Variants in GAN observed in about 807,000 individuals in gnomAD.
GAN encodes the protein gigaxonin, also known as epididymis secretory sperm binding protein.
Under a neutral mutation model 71.3 loss-of-function variants are expected in GAN, and 48 were observed. The ratio of observed to expected loss-of-function variants is 0.67; its 90% CI spans 0.53 to 0.86. The LOEUF (loss-of-function observed/expected upper bound fraction) is 0.86. GAN is among the 40% of genes least tolerant of loss of function. The pLI is 0.00. For missense variants in GAN, 928 were observed against 770.1 expected (o/e 1.21, Z -2.43); for synonymous variants, 386 against 276.8 (o/e 1.39, Z -3.92).
Position 81,370,991 on chromosome 16 carries a change from A to G in GAN, c.1502+5513A>G, listed in dbSNP as rs183305054. Among the ~76,000 whole-genome samples, 7 of 152,272 alleles carry G rather than the reference A, an allele frequency of 4.6e-5. No individual in the cohort carries two copies. The East Asian group carries it at 1.2e-3, about 25-fold the overall frequency. ...GGACATGCTGATATGTTTTATTTTC[A>G]TGACCATTCAGTCTGCAGTATCATT... On this transcript the variant is annotated intron_variant, in intron 9 of 10. Coordinates refer to ENST00000648994, the MANE Select transcript of GAN (RefSeq NM_022041.4).
At chr16:81,317,154 G>A (rs1238520565) in intron 1 of GAN, among the ~76,000 whole-genome samples, 2 of 152,224 alleles carry the variant, frequency 1.3e-5, no homozygotes, top group African/African-American at 4.8e-5. Context: ...GTGGCACCCG[G>A]CGGTGTTTTC....
At chr16:81,336,606 G>C (rs1196046767) in intron 1 of GAN, among the ~76,000 whole-genome samples, 2 of 151,252 alleles carry the variant, frequency 1.3e-5, no homozygotes, top group Non-Finnish European at 2.9e-5. Context: ...TAGGACCACA[G>C]GTGTGCACAC....
rs569926293 is a variant in GAN at position 81,382,338 on chromosome 16, A to G, written c.*4742A>G. ...ATCATTTTTAGTATTAATACAATTT[A>G]CGCTCCCAAACATGTCCTTTGCTAG... On this transcript the variant is annotated 3_prime_UTR_variant, in exon 11 of 11. Coordinates refer to ENST00000648994, the MANE Select transcript of GAN (RefSeq NM_022041.4). 13 of 152,344 alleles carry G rather than the reference A, an allele frequency of 8.5e-5. No homozygotes were observed. The highest frequency in any genetic ancestry group is 3.4e-3 in the Middle Eastern group (1 of 294). 9.4% of individuals were successfully genotyped at this position (152,344 alleles called of 1,614,324 possible).
chr16:81,344,891 TA>T (rs1045584077), intron 1 of GAN, among the ~76,000 whole-genome samples: 1 of 151,980 alleles, frequency 6.6e-6, no homozygotes, highest in Non-Finnish European at 1.5e-5. Context: ...ACAAAGAACT[TA>T]AACAAATTTA....
At chr16:81,363,578 T>A (rs1910748654) in intron 6 of GAN, among the ~76,000 whole-genome samples, 3 of 152,232 alleles carry the variant, frequency 2.0e-5, no homozygotes, top group Admixed American at 2.0e-4. Flanking sequence ...ATGCTGAGGT[T>A]TGCAGTAAGA....
At chr16:81,340,317 A>G (rs1466731443) in intron 1 of GAN, among the ~76,000 whole-genome samples, 1 of 152,232 alleles carries the variant, frequency 6.6e-6, no homozygotes, top group Non-Finnish European at 1.5e-5. Flanking sequence ...AAAAAATAAT[A>G]AAACCCATCC....
intron 1 of GAN, among the ~76,000 whole-genome samples, chr16:81,325,341 T>A (rs1196501037): frequency 6.6e-6 from 1 of 151,956 alleles, no homozygotes; most frequent in East Asian, 1.9e-4. Flanking sequence ...TTGGAGAGGA[T>A]GAGTAGGAGT....
chr16:81,326,892 G>A (rs531617468), intron 1 of GAN, among the ~76,000 whole-genome samples: 37 of 152,338 alleles, frequency 2.4e-4, no homozygotes, highest in African/African-American at 7.2e-4. Flanking sequence ...ATCGTTACCT[G>A]CTACATGACT....
chr16:81,356,427 T>A (rs571695620), intron 3 of GAN, among the ~76,000 whole-genome samples: 20 of 152,312 alleles, frequency 1.3e-4, no homozygotes, highest in Admixed American at 3.9e-4. Context: ...TAAACATGAT[T>A]TAACTCATGG....
At chr16:81,316,927 C>A (rs1345433111) in intron 1 of GAN, among the ~76,000 whole-genome samples, 1 of 152,174 alleles carries the variant, frequency 6.6e-6, no homozygotes. Flanking sequence ...GGCGTGATCT[C>A]GGCCCACTGC....
Position 81,377,772 on chromosome 16 carries a change from G to T in GAN, c.*176G>T, listed in dbSNP as rs1196229669. 4.6e-6 allele frequency: 3 copies of T among 656,678 alleles called. No homozygotes were observed. Among genetic ancestry groups the T allele is most frequent in the Non-Finnish European group, 2.7e-6 (1 of 371,018 alleles). 40.7% of individuals were successfully genotyped at this position (656,678 alleles called of 1,614,324 possible). On this transcript the variant is annotated 3_prime_UTR_variant, in exon 11 of 11. Coordinates refer to ENST00000648994, the MANE Select transcript of GAN (RefSeq NM_022041.4). ...CTTTAGCTCTTGTTTGGGAGAACAC[G>T]TAACTGTTGAAAAACTACCTGGGAG...
chr16:81,354,255 AAT>A, intron 2 of GAN, 148 bp from the exon 3 acceptor site: 1 of 623,930 alleles, frequency 1.6e-6, no homozygotes, highest in Non-Finnish European at 2.8e-6. Context: ...AAAAAAAAAA[AAT>A]GCTGGGTTAA....
chr16:81,315,020 C>T lies in GAN; in HGVS notation c.-94C>T. ...TCTGCTCAGAGCGCGGAGAGCCGGG[C>T]CGGGCGGGCGCGCGCGCAGGACTCG... On this transcript the variant is annotated 5_prime_UTR_variant, in exon 1 of 11. Transcript: ENST00000648994. 1 of 1,087,902 alleles carries T rather than the reference C, an allele frequency of 9.2e-7. No homozygotes were observed. The highest frequency in any genetic ancestry group is 1.2e-6 in the Non-Finnish European group (1 of 823,890). 67.4% of individuals were successfully genotyped at this position (1,087,902 alleles called of 1,614,324 possible). A position where few individuals can be genotyped will look rare whatever the true frequency, so the allele number is the denominator to read the frequency against.
chr16:81,370,092 G>A (rs1203200271), intron 9 of GAN, among the ~76,000 whole-genome samples: 3 of 152,138 alleles, frequency 2.0e-5, no homozygotes, highest in African/African-American at 4.8e-5. Flanking sequence ...TTACTTGTCA[G>A]GGGCAACAGT....
intron 1 of GAN, among the ~76,000 whole-genome samples, chr16:81,335,343 CAG>C (rs1195360635): frequency 6.6e-6 from 1 of 152,104 alleles, no homozygotes; most frequent in Non-Finnish European, 1.5e-5. Context: ...TGGCTGGACA[CAG>C]TGGCTCACAC....
At chr16:81,340,144 G>T (rs963194939) in intron 1 of GAN, among the ~76,000 whole-genome samples, 1 of 151,994 alleles carries the variant, frequency 6.6e-6, no homozygotes, top group African/African-American at 2.4e-5. Flanking sequence ...TTGCTGTGTT[G>T]CCCACAATGG....
In GAN at chr16:81,379,476, A is replaced by T. The variant is rs564462947; in HGVS notation, c.*1880A>T. The T allele has an allele frequency of 2.6e-5, 4 of 152,352 alleles. No individual in the cohort carries two copies. Among genetic ancestry groups the T allele is most frequent in the Admixed American group, 2.6e-4 (4 of 15,298 alleles). The allele number at this position is 152,352 out of a possible 1,614,324, so 9.4% of individuals were successfully genotyped here. A position where few individuals can be genotyped will look rare whatever the true frequency, so the allele number is the denominator to read the frequency against. On this transcript the variant is annotated 3_prime_UTR_variant, in exon 11 of 11. Coordinates refer to ENST00000648994, the MANE Select transcript of GAN (RefSeq NM_022041.4). ...CAATCATGTTTAATATGTCAGTCAA[A>T]ACCAAATTCAGAATTGTTTTGTGTA...
Position 81,354,486 on chromosome 16 carries a change from T to C in GAN, c.364T>C (p.Cys122Arg). Reference sequence around the variant, plus strand: ...ACTGACGGACCTTAAAACCCTGTGCTGTGAGTTTTTGGAAGGCTGCATTGC... The same window carrying C: ...ACTGACGGACCTTAAAACCCTGTGCCGTGAGTTTTTGGAAGGCTGCATTGC... Reference protein sequence around the residue: ...LLLTDLKTLCCEFLEGCIAAE... With the variant: ...LLLTDLKTLCREFLEGCIAAE... The change falls in exon 3 of 11, where the codon TGT (cysteine) becomes CGT (arginine). Residue 122 changes from cysteine (C) to arginine (R), a missense_variant. Cys to Arg is a radical substitution (Grantham distance 180). Coordinates refer to ENST00000648994, the MANE Select transcript of GAN (RefSeq NM_022041.4). 6.2e-7 allele frequency: 1 copy of C among 1,614,062 alleles called. No homozygotes were observed. The highest frequency in any genetic ancestry group is 8.5e-7 in the Non-Finnish European group (1 of 1,179,882).
chr16:81,362,100 C>A (rs113743467), intron 5 of GAN, among the ~76,000 whole-genome samples: 1 of 152,120 alleles, frequency 6.6e-6, no homozygotes, highest in Non-Finnish European at 1.5e-5. Flanking sequence ...AAAGTGCACA[C>A]GGATGCCTCA....
Sources: gnomAD v4.1 joint callset for allele counts (sites outside exome capture counted in the v4.1 genomes callset) on GRCh38, gnomAD v4.1.1 for gene constraint, MANE v1.5 for transcripts, NCBI Gene and HGNC (gene_info 2026-07-23, HGNC 2026-07-21) for gene names.